NXT2: variants seen among roughly 807,000 people sequenced by gnomAD.
NXT2 encodes the protein NTF2-related export protein 2.
A neutral mutation model predicts 9.6 loss-of-function variants in NXT2; 1 was observed. The observed-to-expected ratio is 0.10, with a 90% CI of 0.04 to 0.49. The LOEUF (loss-of-function observed/expected upper bound fraction) is 0.49. Ranked by LOEUF, NXT2 falls within the 20% of genes least tolerant of loss-of-function variation. NXT2 has a pLI of 0.95. For missense variants in NXT2, 48 were observed against 100.3 expected (o/e 0.48, Z 2.23); for synonymous variants, 22 against 35.4 (o/e 0.62, Z 1.34).
intron 1 of NXT2, chrX:109,537,239 G>A: frequency 4.9e-6 from 5 of 1,012,444 alleles, no homozygotes; most frequent in Non-Finnish European, 6.3e-6. Context: ...AGGACCCTGA[G>A]CTGGGAAATA....
chrX:109,542,522 C>G lies in NXT2; in HGVS notation c.263C>G (p.Ser88Cys). 8.4e-7 allele frequency: 1 copy of G among 1,196,126 alleles called. No homozygotes were observed. The highest frequency in any genetic ancestry group is 2.3e-5 in the Admixed American group (1 of 44,124). The part of the protein sequence containing the change: ...CQPVHEQATQ[S>C]QTTVLVVTSG... ...GTGGATGAAGAGCAAGCAACTCAGT[C>G]CCAAACTACAGTTCTTGTTGTGACC... is the stretch of plus-strand genomic sequence containing the variant. Residue 88 changes from serine to cysteine, a missense_variant, in exon 4 of 4, where the codon TCC (serine) becomes TGC (cysteine). Coordinates refer to ENST00000372106, the MANE Select transcript of NXT2 (RefSeq NM_001242617.2).
intron 2 of NXT2, among the ~76,000 whole-genome samples, chrX:109,538,938 A>T (rs1257317991): frequency 2.7e-5 from 3 of 111,371 alleles, no homozygotes; most frequent in African/African-American, 9.8e-5. Context: ...TTTGTTACAT[A>T]GGTATACACG....
rs1204460816 is a variant in NXT2, at chrX:109,542,919, A to G, written c.*231A>G. ...TACATTCCACTAATGACATTCTTATAATAATATTAAACACATGATCTTGGT... is the reference window on the plus strand; with the variant it reads ...TACATTCCACTAATGACATTCTTATGATAATATTAAACACATGATCTTGGT... On this transcript the variant is annotated 3_prime_UTR_variant, in exon 4 of 4. Transcript: ENST00000372106. 4.0e-6 allele frequency: 1 copy of G among 247,997 alleles called. No homozygotes were observed. The highest frequency in any genetic ancestry group is 7.2e-6 in the Non-Finnish European group (1 of 139,560). The allele number at this position is 247,997 out of a possible 1,213,427, so 20.4% of individuals were successfully genotyped here.
chrX:109,544,212 A>T lies in NXT2; in HGVS notation c.*1524A>T, dbSNP rs1011364893. On this transcript the variant is annotated 3_prime_UTR_variant, in exon 4 of 4. Transcript: ENST00000372106. Reference sequence around the variant, plus strand: ...TTGCAACCAAAAACTGTTTCTTTTCACTTAATTATAAAACCAGTAATTCAT... The same window carrying T: ...TTGCAACCAAAAACTGTTTCTTTTCTCTTAATTATAAAACCAGTAATTCAT... 8.9e-6 allele frequency: 1 copy of T among 112,561 alleles called. No individual in the cohort carries two copies. Among genetic ancestry groups the T allele is most frequent in the African/African-American group, 3.2e-5 (1 of 30,971 alleles). 9.3% of individuals were successfully genotyped at this position (112,561 alleles called of 1,213,427 possible). A position where few individuals can be genotyped will look rare whatever the true frequency, so the allele number is the denominator to read the frequency against.
upstream of NXT2, among the ~76,000 whole-genome samples, chrX:109,536,281 C>T (rs1225753467): frequency 8.9e-6 from 1 of 112,365 alleles, no homozygotes; most frequent in Non-Finnish European, 1.9e-5. Context: ...TGTTAGAATA[C>T]CTTGCAGAAT....
At position 109,542,874 on chromosome X, in the gene NXT2, A is replaced by AT. The variant is rs1428734614; in HGVS notation, c.*193dup. On this transcript the variant is annotated 3_prime_UTR_variant, in exon 4 of 4. Coordinates refer to ENST00000372106, the MANE Select transcript of NXT2 (RefSeq NM_001242617.2). ...ATTGCCCTCTAAGAGCTTTAAAACTATTTTTTTACATGCCTTATATACATT... is the reference window on the plus strand; with the variant it reads ...ATTGCCCTCTAAGAGCTTTAAAACTATTTTTTTTACATGCCTTATATACATT... The AT allele has an allele frequency of 6.0e-6, 2 of 334,059 alleles. No individual in the cohort carries two copies. Among genetic ancestry groups the AT allele is most frequent in the Non-Finnish European group, 1.0e-5 (2 of 193,241 alleles). 27.5% of individuals were successfully genotyped at this position (334,059 alleles called of 1,213,427 possible). A position where few individuals can be genotyped will look rare whatever the true frequency, so the allele number is the denominator to read the frequency against.
At chrX:109,540,481 C>T (rs6643449) in intron 2 of NXT2, among the ~76,000 whole-genome samples, 29,659 of 109,144 alleles carry the variant, frequency 0.27, 4,057 homozygotes, top group East Asian at 0.78. Context: ...GCAACTGCCA[C>T]CACGCCCGGC....
In NXT2 at chrX:109,543,707, A is replaced by G. The variant is rs1304283190; in HGVS notation, c.*1019A>G. 5.4e-5 allele frequency: 6 copies of G among 111,857 alleles called. No individual in the cohort carries two copies. The highest frequency in any genetic ancestry group is 3.8e-4 in the Admixed American group (4 of 10,507). The allele number at this position is 111,857 out of a possible 1,213,427, so 9.2% of individuals were successfully genotyped here. ...AACTTACTGGGGTAAAATAACAGCA[A>G]TAAACCTAACCTTTTAACAGGGTCT... is the stretch of plus-strand genomic sequence containing the variant. On this transcript the variant is annotated 3_prime_UTR_variant, in exon 4 of 4. Coordinates refer to ENST00000372106, the MANE Select transcript of NXT2 (RefSeq NM_001242617.2).
intron 3 of NXT2, among the ~76,000 whole-genome samples, chrX:109,542,042 A>G (rs1933429054): frequency 9.0e-6 from 1 of 111,663 alleles, no homozygotes; most frequent in African/African-American, 3.2e-5. Flanking sequence ...GACTTTTTAC[A>G]AGAAAATTTG....
chrX:109,543,987 C>T lies in NXT2; in HGVS notation c.*1299C>T, dbSNP rs977400724. 2 of 112,308 alleles carry T rather than the reference C, an allele frequency of 1.8e-5. No individual in the cohort carries two copies. The highest frequency in any genetic ancestry group is 9.5e-5 in the Admixed American group (1 of 10,534). 9.3% of individuals were successfully genotyped at this position (112,308 alleles called of 1,213,427 possible). On this transcript the variant is annotated 3_prime_UTR_variant, in exon 4 of 4. Coordinates refer to ENST00000372106, the MANE Select transcript of NXT2 (RefSeq NM_001242617.2). ...ATAGATCTGTTTCAAAATATGTTCC[C>T]GCTATGTGGATAACTCTTCTTTTTA...
At chrX:109,537,956 GAAAT>G (rs1933323084) in intron 1 of NXT2, 85 bp from the exon 2 acceptor site, 1 of 579,797 alleles carries the variant, frequency 1.7e-6, no homozygotes, top group African/African-American at 2.2e-5. Context: ...CATAGTGGTT[GAAAT>G]AAATCATCAG....
At chrX:109,541,387 A>G in intron 2 of NXT2, 88 bp from the exon 3 acceptor site, 1 of 843,994 alleles carries the variant, frequency 1.2e-6, no homozygotes, top group Non-Finnish European at 1.6e-6. Context: ...ATGTTTATAT[A>G]CCATCTGTAA....
At chrX:109,536,006 C>T (rs1933266801), upstream of NXT2, 1 of 1,104,651 alleles carries the variant, frequency 9.1e-7, no homozygotes, top group Non-Finnish European at 1.2e-6. Flanking sequence ...ATTAATTTGC[C>T]ATTTAAATCA....
At chrX:109,535,957 G>A (rs746658531), upstream of NXT2, 1 of 1,198,276 alleles carries the variant, frequency 8.3e-7, no homozygotes. Context: ...ATTATGAGGG[G>A]CCACACACCA....
rs758051146 is a variant in NXT2 at position 109,543,576 on chromosome X, C to T, written c.*888C>T. On this transcript the variant is annotated 3_prime_UTR_variant, in exon 4 of 4. Coordinates refer to ENST00000372106, the MANE Select transcript of NXT2 (RefSeq NM_001242617.2). The stretch of plus-strand genomic sequence containing the variant: ...TTTAAATCACTAAGTAAATAAGTAT[C>T]CTTGCCAAGTGATCATGAGTGTCAT... 2.6e-4 allele frequency: 29 copies of T among 112,046 alleles called. No individual in the cohort carries two copies. The highest frequency in any genetic ancestry group is 8.4e-4 in the African/African-American group (26 of 30,867). The allele number at this position is 112,046 out of a possible 1,213,427, so 9.2% of individuals were successfully genotyped here.
chrX:109,536,802 A>T, upstream of NXT2: 1 of 1,073,135 alleles, frequency 9.3e-7, no homozygotes, highest in Non-Finnish European at 1.2e-6. Context: ...AACTGAAGGG[A>T]AGTGGAACTT....
upstream of NXT2, chrX:109,535,869 GA>G (rs1313075566): frequency 8.8e-7 from 1 of 1,135,078 alleles, no homozygotes; most frequent in Non-Finnish European, 1.2e-6. Context: ...CAGATAAAGA[GA>G]AAGATTAAAA....
At chrX:109,537,270 G>C in intron 1 of NXT2, 1 of 987,222 alleles carries the variant, frequency 1.0e-6, no homozygotes, top group Non-Finnish European at 1.3e-6. Flanking sequence ...GGGATGTTGG[G>C]GTTTGTTGTT....
At chrX:109,535,993 C>G, upstream of NXT2, 1 of 1,142,515 alleles carries the variant, frequency 8.8e-7, no homozygotes, top group Non-Finnish European at 1.2e-6. Context: ...ACTACGACAT[C>G]TAATTAATTT....
Sources: gnomAD v4.1 joint callset for allele counts (sites outside exome capture counted in the v4.1 genomes callset) on GRCh38, gnomAD v4.1.1 for gene constraint, MANE v1.5 for transcripts, NCBI Gene and HGNC (gene_info 2026-07-23, HGNC 2026-07-21) for gene names.